The following CAST variants were observed in gnomAD, a reference collection of about 807,000 sequenced individuals.
CAST encodes MIR583 host.
CAST carries 76 observed loss-of-function variants against 119.6 expected under a neutral mutation model. The ratio of observed to expected loss-of-function variants is 0.64; its 90% CI spans 0.53 to 0.77. The LOEUF (loss-of-function observed/expected upper bound fraction) is 0.77. CAST is among the 30% of genes least tolerant of loss of function. The pLI is 0.00. For missense variants in CAST, 953 were observed against 946.5 expected, an observed-to-expected ratio of 1.01 and a Z score of -0.09; for synonymous variants, 319 against 331.6, an observed-to-expected ratio of 0.96 and a Z score of 0.41.
At chr5:96,550,449 A>C (rs1226836413) in intron 1 of CAST, among the ~76,000 whole-genome samples, 1 of 152,166 alleles carries the variant, frequency 6.6e-6, no homozygotes, top group Admixed American at 6.5e-5. Context: ...AAAACCACAA[A>C]ATGAGGAGAA....
chr5:96,736,195 C>CCCA lies in CAST; in HGVS notation c.655_657dup (p.Pro219dup), dbSNP rs754474848. ...AGAAAAAAGAAAAGAAATCATTAAC[C>CCCA]CCAGCTGTGCCAGTTGAATCTAAAC... is the stretch of plus-strand genomic sequence containing the variant. On this transcript the variant is annotated inframe_insertion, in exon 10 of 32. Coordinates refer to ENST00000675179, the MANE Select transcript of CAST (RefSeq NM_001750.7). 1.2e-6 allele frequency: 2 copies of CCCA among 1,611,962 alleles called. No individual in the cohort carries two copies. The highest frequency in any genetic ancestry group is 4.5e-5 in the East Asian group (2 of 44,818).
At chr5:96,341,856 G>A in the CAST span, among the ~76,000 whole-genome samples, 3 of 152,146 alleles carry the variant, frequency 2.0e-5, no homozygotes, top group Non-Finnish European at 4.4e-5. Context: ...ACTTTCTCTA[G>A]ACAGTATGAT....
At chr5:95,976,331 A>T in the CAST span, among the ~76,000 whole-genome samples, 1 of 151,986 alleles carries the variant, frequency 6.6e-6, no homozygotes, top group East Asian at 1.9e-4. Flanking sequence ...CATGAATATG[A>T]TATAAACTAG....
At chr5:96,524,521 A>G (rs992814806), upstream of CAST, among the ~76,000 whole-genome samples, 4 of 152,170 alleles carry the variant, frequency 2.6e-5, no homozygotes, top group Non-Finnish European at 5.9e-5. Context: ...ACTCTGGGAC[A>G]CCCACACATC....
chr5:96,106,654 A>G, the CAST span, among the ~76,000 whole-genome samples: 2 of 150,440 alleles, frequency 1.3e-5, no homozygotes, highest in East Asian at 3.9e-4. Context: ...TATGTGGTCA[A>G]TTTTGGAATA....
At chr5:95,982,934 G>A in the CAST span, among the ~76,000 whole-genome samples, 6 of 151,890 alleles carry the variant, frequency 4.0e-5, no homozygotes, top group Admixed American at 6.6e-5. Flanking sequence ...AAAATAATTC[G>A]GTTATTCATT....
the CAST span, among the ~76,000 whole-genome samples, chr5:96,174,655 T>G: frequency 6.6e-6 from 1 of 152,264 alleles, no homozygotes; most frequent in Non-Finnish European, 1.5e-5. Context: ...TTTTTAGAAA[T>G]GATACAGTTG....
chr5:96,726,911 C>T, intron 5 of CAST, 52 bp downstream of exon 5: 1 of 1,276,388 alleles, frequency 7.8e-7, no homozygotes, highest in Non-Finnish European at 1.1e-6. Flanking sequence ...GGTTACATCA[C>T]CCGCTCAGCA....
the CAST span, among the ~76,000 whole-genome samples, chr5:96,156,617 T>C: frequency 1.3e-5 from 2 of 152,190 alleles, no homozygotes; most frequent in Non-Finnish European, 1.5e-5. Context: ...AAATTTGAGC[T>C]CCAATTAGGG....
the CAST span, among the ~76,000 whole-genome samples, chr5:96,299,607 T>C: frequency 2.0e-5 from 3 of 152,208 alleles, no homozygotes; most frequent in South Asian, 4.1e-4. Context: ...GCATATTTCA[T>C]AGAAGCACTA....
At chr5:96,292,020 T>C in the CAST span, among the ~76,000 whole-genome samples, 3 of 152,202 alleles carry the variant, frequency 2.0e-5, no homozygotes, top group Admixed American at 6.5e-5. Flanking sequence ...ATTCAGACTT[T>C]TGTGCTTTCT....
the CAST span, among the ~76,000 whole-genome samples, chr5:96,107,467 T>C: frequency 1.3e-5 from 2 of 152,086 alleles, no homozygotes; most frequent in African/African-American, 4.8e-5. Context: ...GTATTTTATT[T>C]CTCCTTCACT....
At chr5:96,607,063 C>T (rs1052155630) in intron 1 of CAST, among the ~76,000 whole-genome samples, 4 of 152,052 alleles carry the variant, frequency 2.6e-5, no homozygotes, top group South Asian at 2.1e-4. Flanking sequence ...CCGAGGCGGG[C>T]GGATCACGAG....
chr5:96,418,979 C>A, the CAST span, among the ~76,000 whole-genome samples: 2 of 152,082 alleles, frequency 1.3e-5, no homozygotes, highest in Non-Finnish European at 2.9e-5. Context: ...TTATCATCAT[C>A]ATCATCACCA....
the CAST span, among the ~76,000 whole-genome samples, chr5:96,422,577 T>A: frequency 6.6e-6 from 1 of 152,236 alleles, no homozygotes; most frequent in South Asian, 2.1e-4. Flanking sequence ...TTTCCGTATA[T>A]TTCAATCATT....
the CAST span, among the ~76,000 whole-genome samples, chr5:96,457,442 C>T: frequency 1.3e-5 from 2 of 152,148 alleles, no homozygotes; most frequent in African/African-American, 2.4e-5. Context: ...CTTTCCATGT[C>T]GCTCGGAATA....
chr5:96,620,385 T>A (rs899317026), intron 1 of CAST, among the ~76,000 whole-genome samples: 1 of 152,050 alleles, frequency 6.6e-6, no homozygotes, highest in Admixed American at 6.6e-5. Flanking sequence ...AGTTAAAATT[T>A]TGAGTTTTGA....
the CAST span, among the ~76,000 whole-genome samples, chr5:96,222,104 C>T: frequency 2.0e-5 from 3 of 152,026 alleles, no homozygotes; most frequent in African/African-American, 7.2e-5. Context: ...ATACAAGAAT[C>T]AACCCAAGAT....
the CAST span, among the ~76,000 whole-genome samples, chr5:96,160,535 C>T: frequency 1.3e-5 from 2 of 152,008 alleles, no homozygotes; most frequent in Admixed American, 1.3e-4. Context: ...AGGTTGTTTT[C>T]ACTTTTTGGC....
Sources: gnomAD v4.1 joint callset for allele counts (sites outside exome capture counted in the v4.1 genomes callset) on GRCh38, gnomAD v4.1.1 for gene constraint, MANE v1.5 for transcripts, NCBI Gene and HGNC (gene_info 2026-07-23, HGNC 2026-07-21) for gene names.